RPS6KA6: variants seen among roughly 807,000 people sequenced by gnomAD.
RPS6KA6 encodes the protein ribosomal protein S6 kinase alpha-6.
RPS6KA6 carries 27 observed loss-of-function variants against 65.4 expected under a neutral mutation model. The observed-to-expected ratio is 0.41, with a 90% CI of 0.30 to 0.57. The LOEUF (loss-of-function observed/expected upper bound fraction) is 0.57. Among genes scored for constraint, RPS6KA6 ranks in the 20% least tolerant of loss-of-function variants. RPS6KA6 has a pLI of 0.24. For missense variants in RPS6KA6, 486 were observed against 555.6 expected (o/e 0.87, Z 1.26); for synonymous variants, 190 against 184.2 (o/e 1.03, Z -0.26).
In RPS6KA6 at chrX:84,080,466, C is replaced by T. The variant is rs185849954; in HGVS notation, c.1972-15355G>A. On this transcript the variant is annotated intron_variant, in intron 20 of 21. Coordinates refer to ENST00000262752, the MANE Select transcript of RPS6KA6 (RefSeq NM_014496.5). ...TATATATGCACTCAATACAGGAGCA[C>T]CCAGATTCATAAAGCAAGTTCTTAG... Among the ~76,000 whole-genome samples, 304 of 80,993 alleles carry T rather than the reference C, an allele frequency of 3.8e-3. 1 individual carries two copies. Among genetic ancestry groups the T allele is most frequent in the African/African-American group, 0.013 (297 of 22,160 alleles). The allele number at this position is 80,993 out of a possible 115,157, so 70.3% of individuals were successfully genotyped here. A position where few individuals can be genotyped will look rare whatever the true frequency, so the allele number is the denominator to read the frequency against.
chrX:84,143,567 G>A (rs1416955316), intron 6 of RPS6KA6, among the ~76,000 whole-genome samples: 1 of 111,291 alleles, frequency 9.0e-6, no homozygotes, highest in African/African-American at 3.2e-5. Flanking sequence ...AAGATACCAC[G>A]TTCATCAATT....
chrX:84,086,197 A>G (rs1172956095), intron 20 of RPS6KA6, among the ~76,000 whole-genome samples: 1 of 110,174 alleles, frequency 9.1e-6, no homozygotes, highest in African/African-American at 3.3e-5. Flanking sequence ...CTGTATTCTC[A>G]TAGCTTTGTG....
intron 20 of RPS6KA6, among the ~76,000 whole-genome samples, chrX:84,072,524 A>C (rs2033566384): frequency 8.9e-6 from 1 of 111,796 alleles, no homozygotes; most frequent in African/African-American, 3.2e-5. Flanking sequence ...TACCACTTTT[A>C]TTCAGCATAG....
At chrX:84,115,894 C>T (rs34015463) in intron 12 of RPS6KA6, among the ~76,000 whole-genome samples, 4,354 of 111,025 alleles carry the variant, frequency 0.039, 80 homozygotes, top group Non-Finnish European at 0.065. Flanking sequence ...GGGAGCTACA[C>T]AATGGATACA....
At chrX:84,111,303 T>C (rs1229416021) in intron 12 of RPS6KA6, among the ~76,000 whole-genome samples, 1 of 111,313 alleles carries the variant, frequency 9.0e-6, no homozygotes, top group Non-Finnish European at 1.9e-5. Context: ...CCAATCTTGT[T>C]AGAGACGTAG....
At chrX:84,178,007 T>C (rs999009074) in intron 1 of RPS6KA6, among the ~76,000 whole-genome samples, 1 of 111,337 alleles carries the variant, frequency 9.0e-6, no homozygotes, top group Non-Finnish European at 1.9e-5. Context: ...TTGCCCAGGC[T>C]GGTCTCAAAC....
At chrX:84,068,727 A>G (rs756818245) in intron 20 of RPS6KA6, among the ~76,000 whole-genome samples, 2 of 112,417 alleles carry the variant, frequency 1.8e-5, no homozygotes, top group East Asian at 5.6e-4. Flanking sequence ...GCAAAGTCTC[A>G]GGATACAAAA....
intron 20 of RPS6KA6, among the ~76,000 whole-genome samples, chrX:84,082,362 T>A (rs2033818130): frequency 9.0e-6 from 1 of 111,227 alleles, no homozygotes; most frequent in African/African-American, 3.3e-5. Context: ...ACAAAGGGAA[T>A]AAAATACATA....
intron 12 of RPS6KA6, among the ~76,000 whole-genome samples, chrX:84,115,272 A>C (rs776799728): frequency 5.8e-4 from 65 of 111,882 alleles, no homozygotes; most frequent in South Asian, 2.2e-3. Flanking sequence ...ACAAACAAAC[A>C]AACCTATTAA....
chrX:84,168,800 G>C (rs1602482845), intron 1 of RPS6KA6, among the ~76,000 whole-genome samples: 1 of 111,562 alleles, frequency 9.0e-6, no homozygotes, highest in African/African-American at 3.3e-5. Context: ...TAAAATGAAT[G>C]TGAATGAGTC....
At position 84,105,817 on chromosome X, in the gene RPS6KA6, T is replaced by C. The variant is rs766834728; in HGVS notation, c.1425A>G (p.Gly475=). The change falls in exon 16 of 22, where the codon GGA becomes GGG. Residue 475 remains glycine (G), a synonymous_variant. Coordinates refer to ENST00000262752, the MANE Select transcript of RPS6KA6 (RefSeq NM_014496.5). ...TCAAAGTAATAATGTTGGGATGTTGTCCATAGCGCATCAATATTTCAATCT... is the reference window on the plus strand; with the variant it reads ...TCAAAGTAATAATGTTGGGATGTTGCCCATAGCGCATCAATATTTCAATCT... ...SEEIEILMRY[G]QHPNIITLKD... is the part of the protein sequence containing the mutation. 5.5e-5 allele frequency: 64 copies of C among 1,172,310 alleles called. 1 individual carries two copies. The South Asian group carries it at 9.3e-4, about 17-fold the overall frequency.
At chrX:84,171,084 G>A (rs1395143755) in intron 1 of RPS6KA6, among the ~76,000 whole-genome samples, 1 of 111,183 alleles carries the variant, frequency 9.0e-6, no homozygotes, top group African/African-American at 3.3e-5. Flanking sequence ...ACAAGGAAAG[G>A]AACTCTACCA....
At chrX:84,103,415 A>G in intron 17 of RPS6KA6, among the ~76,000 whole-genome samples, 1 of 111,240 alleles carries the variant, frequency 9.0e-6, no homozygotes, top group South Asian at 3.7e-4. Context: ...CCCCCATGTG[A>G]TAAGTTCCCT....
chrX:84,174,222 A>G (rs1456655256), intron 1 of RPS6KA6, among the ~76,000 whole-genome samples: 3 of 111,799 alleles, frequency 2.7e-5, no homozygotes, highest in Non-Finnish European at 5.6e-5. Context: ...TTTAGATTAA[A>G]TTATATAGTT....
intron 20 of RPS6KA6, among the ~76,000 whole-genome samples, chrX:84,087,843 TTTTG>T (rs1468998541): frequency 1.1e-4 from 12 of 111,463 alleles, no homozygotes; most frequent in African/African-American, 3.3e-4. Context: ...TTCTCTGAAG[TTTTG>T]TTTGTTTTCA....
At position 84,117,414 on chromosome X, in the gene RPS6KA6, T is replaced by C; in HGVS notation, c.830A>G (p.Asp277Gly). ...LTGTLPFQGKDRNETMNMILK... is the reference protein window; with the variant it reads ...LTGTLPFQGKGRNETMNMILK... ...TATCATATTCATGGTCTCATTTCTG[T>C]CTTTACCTTGAAATGGCAGAGTACC... Residue 277 changes from aspartate (D) to glycine (G), a missense_variant, in exon 10 of 22, where the codon GAC becomes GGC. Around this residue, in one of 3 missense-constraint regions of RPS6KA6, gnomAD observed 345 missense variants for 375.0 expected, o/e 0.92. Transcript: ENST00000262752. 1 of 1,163,204 alleles carries C rather than the reference T, an allele frequency of 8.6e-7. No individual in the cohort carries two copies. The highest frequency in any genetic ancestry group is 1.2e-6 in the Non-Finnish European group (1 of 863,953).
chrX:84,151,716 G>A (rs1443683454), intron 3 of RPS6KA6, among the ~76,000 whole-genome samples: 1 of 111,571 alleles, frequency 9.0e-6, no homozygotes, highest in Non-Finnish European at 1.9e-5. Flanking sequence ...TTATTCAAAA[G>A]AAGGGTATTC....
chrX:84,069,022 C>G (rs913718685), intron 20 of RPS6KA6, among the ~76,000 whole-genome samples: 2 of 112,054 alleles, frequency 1.8e-5, no homozygotes, highest in Non-Finnish European at 3.8e-5. Context: ...TTATCCCCAT[C>G]AAGCTACCAC....
chrX:84,097,559 T>C (rs1033210139), intron 19 of RPS6KA6, among the ~76,000 whole-genome samples: 1 of 111,631 alleles, frequency 9.0e-6, no homozygotes, highest in Non-Finnish European at 1.9e-5. Context: ...GGGTGACAAC[T>C]GCCTTTTAAA....
Sources: allele counts gnomAD v4.1 joint callset (sites outside exome capture counted in the v4.1 genomes callset), GRCh38; gene constraint gnomAD v4.1.1; regional missense constraint gnomAD v4.1.1; transcripts MANE v1.5; gene names NCBI Gene and HGNC (gene_info 2026-07-23, HGNC 2026-07-21).